Variants in NYAP2 observed in about 807,000 individuals in gnomAD.
The protein encoded by NYAP2 is neuronal tyrosine-phosphorylated phosphoinositide-3-kinase adapter 2.
A neutral mutation model predicts 50.4 loss-of-function variants in NYAP2; 23 were observed. That is an observed-to-expected ratio of 0.46 (90% CI 0.33 to 0.65). The LOEUF (loss-of-function observed/expected upper bound fraction) is 0.65, where lower values mean the gene tolerates loss of function less well. Ranked by LOEUF, NYAP2 falls within the 30% of genes least tolerant of loss-of-function variation. NYAP2 has a pLI of 0.02. For missense variants in NYAP2, 885 were observed against 861.0 expected (o/e 1.03, Z -0.35); for synonymous variants, 394 against 365.2 (o/e 1.08, Z -0.90).
chr2:225,578,066 G>A (rs778712609), intron 4 of NYAP2, among the ~76,000 whole-genome samples: 1 of 151,980 alleles, frequency 6.6e-6, no homozygotes, highest in African/African-American at 2.4e-5. Context: ...TGAGATACTA[G>A]GGATTATAAG....
chr2:225,519,685 C>T (rs976823263), intron 4 of NYAP2, among the ~76,000 whole-genome samples: 5 of 152,112 alleles, frequency 3.3e-5, no homozygotes, highest in South Asian at 2.1e-4. Context: ...TGGACATTTG[C>T]GCTGGTTCCA....
intron 4 of NYAP2, among the ~76,000 whole-genome samples, chr2:225,515,320 A>G (rs1690908269): frequency 6.6e-6 from 1 of 152,216 alleles, no homozygotes; most frequent in Admixed American, 6.5e-5. Context: ...CACTTCTTCT[A>G]TTGTAACTAA....
At chr2:225,669,444 T>C in the NYAP2 span, among the ~76,000 whole-genome samples, 1 of 152,132 alleles carries the variant, frequency 6.6e-6, no homozygotes, top group African/African-American at 2.4e-5. Context: ...TCTCTATATA[T>C]TTCAACTGAT....
In NYAP2 at chr2:225,409,399, G is replaced by A. The variant is rs534201739; in HGVS notation, c.221+298G>A. Among the ~76,000 whole-genome samples the A allele has an allele frequency of 5.9e-5, 9 of 152,134 alleles. No individual in the cohort carries two copies. The South Asian group carries it at 1.2e-3, about 21-fold the overall frequency. On this transcript the variant is annotated intron_variant, in intron 3 of 6. Transcript: ENST00000636099. Reference sequence around the variant, plus strand: ...TACTCAATAACCTCTTGGCAAAGACGCAAGGGAACACACAAACCTTTTAAT... The same window carrying A: ...TACTCAATAACCTCTTGGCAAAGACACAAGGGAACACACAAACCTTTTAAT...
chr2:225,588,162 G>A (rs1293557633), intron 5 of NYAP2, among the ~76,000 whole-genome samples: 3 of 152,124 alleles, frequency 2.0e-5, no homozygotes, highest in Admixed American at 6.5e-5. Context: ...CTGACCTCAG[G>A]TTATCTGCCT....
At chr2:225,516,865 T>C (rs1690944088) in intron 4 of NYAP2, among the ~76,000 whole-genome samples, 1 of 152,190 alleles carries the variant, frequency 6.6e-6, no homozygotes, top group East Asian at 1.9e-4. Context: ...AAAATAACTT[T>C]TATAAATCTT....
chr2:225,655,888 ACACACACAC>A (rs1559242656), downstream of NYAP2, among the ~76,000 whole-genome samples: 11 of 74,110 alleles, frequency 1.5e-4, no homozygotes, highest in African/African-American at 7.4e-4. Flanking sequence ...CCTCCACTAC[ACACACACAC>A]ACACACACAC....
At chr2:225,538,167 CA>C in intron 4 of NYAP2, among the ~76,000 whole-genome samples, 1 of 152,266 alleles carries the variant, frequency 6.6e-6, no homozygotes, top group Admixed American at 6.5e-5. Context: ...TGAAAGCTGT[CA>C]GTGAATCTAC....
intron 2 of NYAP2, among the ~76,000 whole-genome samples, chr2:225,404,131 C>A (rs981249146): frequency 1.3e-5 from 2 of 151,870 alleles, no homozygotes; most frequent in African/African-American, 4.8e-5. Context: ...TGAGACCACA[C>A]GCAATTGATA....
chr2:225,682,469 C>T, the NYAP2 span, among the ~76,000 whole-genome samples: 1 of 152,136 alleles, frequency 6.6e-6, no homozygotes, highest in Non-Finnish European at 1.5e-5. Context: ...TATTAGAAAA[C>T]ACTCATAGCC....
chr2:225,564,685 T>TA lies in NYAP2; in HGVS notation c.524-17244dup, dbSNP rs5839113. 3.5e-3 allele frequency among the ~76,000 whole-genome samples: 512 copies of TA among 144,514 alleles called. 3 individuals carry two copies. Among genetic ancestry groups the TA allele is most frequent in the Middle Eastern group, 0.011 (3 of 282 alleles). The allele number at this position is 144,514 out of a possible 152,430, so 94.8% of individuals were successfully genotyped here. On this transcript the variant is annotated intron_variant, in intron 4 of 6. Coordinates refer to ENST00000636099, the Ensembl canonical transcript of NYAP2. ...TATCTGAAGGTGAACTGCATAAATA[T>TA]AAAAAAAAAAAACATGCTCACTATC...
chr2:225,592,947 G>A (rs564063459), intron 5 of NYAP2, among the ~76,000 whole-genome samples: 15 of 152,234 alleles, frequency 9.9e-5, no homozygotes, highest in African/African-American at 3.4e-4. Context: ...AGTTATACCA[G>A]TCTATTTATT....
At chr2:225,616,503 T>C (rs2106250731) in intron 5 of NYAP2, among the ~76,000 whole-genome samples, 1 of 152,196 alleles carries the variant, frequency 6.6e-6, no homozygotes, top group South Asian at 2.1e-4. Flanking sequence ...AAACCACAGT[T>C]TTAAAATACT....
At chr2:225,592,076 T>G (rs1442694600) in intron 5 of NYAP2, among the ~76,000 whole-genome samples, 3 of 152,180 alleles carry the variant, frequency 2.0e-5, no homozygotes, top group Admixed American at 6.5e-5. Flanking sequence ...GTGCTCACCT[T>G]AGTGCCTCTA....
chr2:225,489,743 A>C (rs1007754873), intron 3 of NYAP2, among the ~76,000 whole-genome samples: 1 of 152,198 alleles, frequency 6.6e-6, no homozygotes, highest in African/African-American at 2.4e-5. Flanking sequence ...GAACTCACAC[A>C]GTGCAAGGAT....
intron 3 of NYAP2, among the ~76,000 whole-genome samples, chr2:225,491,412 A>G (rs1690405838): frequency 6.6e-6 from 1 of 152,168 alleles, no homozygotes; most frequent in South Asian, 2.1e-4. Flanking sequence ...TTTTATGTTG[A>G]ATACTATCAT....
rs558146313 is a variant in NYAP2 at position 225,635,360 on chromosome 2, T to G, written c.1828+8234T>G. 7.2e-5 allele frequency among the ~76,000 whole-genome samples: 11 copies of G among 152,338 alleles called. No individual in the cohort carries two copies. In the South Asian group the frequency reaches 2.1e-3, roughly 29 times the overall value. ...TTGATGAAATAACAAAACACTGCTG[T>G]GACCCACTTTCTCTATCTTTACAGG... On this transcript the variant is annotated intron_variant, in intron 6 of 6. Transcript: ENST00000636099.
chr2:225,622,579 C>CTTTCTTTCTT (rs1559232990), intron 5 of NYAP2, among the ~76,000 whole-genome samples: 5 of 71,598 alleles, frequency 7.0e-5, no homozygotes, highest in African/African-American at 2.7e-4. Flanking sequence ...TTCTTTCTTT[C>CTTTCTTTCTT]TTCTTTCTTT....
At chr2:225,547,192 A>G (rs749285247) in intron 4 of NYAP2, among the ~76,000 whole-genome samples, 4 of 152,202 alleles carry the variant, frequency 2.6e-5, no homozygotes, top group Non-Finnish European at 5.9e-5. Context: ...TAGTTCTTGA[A>G]TGGCATTTCT....
Sources: gnomAD v4.1 joint callset for allele counts (sites outside exome capture counted in the v4.1 genomes callset) on GRCh38, gnomAD v4.1.1 for gene constraint, MANE v1.5 for transcripts, NCBI Gene and HGNC (gene_info 2026-07-23, HGNC 2026-07-21) for gene names.